The following S100Z variants were observed in gnomAD, a reference collection of about 807,000 sequenced individuals.
S100Z encodes the protein protein S100-Z.
In S100Z, 11 loss-of-function variants were observed where a neutral mutation model predicts 8.5. That is an observed-to-expected ratio of 1.30 (90% CI 0.82 to 2.15). The LOEUF is 2.15. S100Z is among the 30% of genes most tolerant of loss of function. S100Z has a pLI of 0.00. For synonymous variants in S100Z, 34 were observed against 43.8 expected, an observed-to-expected ratio of 0.78 and a Z score of 0.89; for missense variants, 126 against 117.9, an observed-to-expected ratio of 1.07 and a Z score of -0.32.
At position 76,920,748 on chromosome 5, in the gene S100Z, A is replaced by G. The variant is rs2150689789; in HGVS notation, c.*34A>G. ...CGTGAATGCTAATCAAGGGCTAAAT[A>G]AAGTGGAAAGCAGCATCCTTGAAAA... is the stretch of plus-strand genomic sequence containing the variant. On this transcript the variant is annotated 3_prime_UTR_variant, in exon 5 of 5. Coordinates refer to ENST00000317593, the MANE Select transcript of S100Z (RefSeq NM_130772.4). 1 of 152,390 alleles carries G rather than the reference A, an allele frequency of 6.6e-6. No individual in the cohort carries two copies. Among genetic ancestry groups the G allele is most frequent in the East Asian group, 1.9e-4 (1 of 5,192 alleles). 9.4% of individuals were successfully genotyped at this position (152,390 alleles called of 1,614,324 possible). A position where few individuals can be genotyped will look rare whatever the true frequency, so the allele number is the denominator to read the frequency against.
At chr5:76,897,102 T>A (rs924131752) in intron 4 of S100Z, among the ~76,000 whole-genome samples, 1 of 152,118 alleles carries the variant, frequency 6.6e-6, no homozygotes, top group African/African-American at 2.4e-5. Context: ...TCCTCCAGTT[T>A]TGTTCTTTTT....
chr5:76,940,262 C>A, the S100Z span, among the ~76,000 whole-genome samples: 3 of 151,606 alleles, frequency 2.0e-5, no homozygotes, highest in Admixed American at 6.6e-5. Context: ...GAACAAAGGA[C>A]GTGATCAGCA....
chr5:76,902,637 GTTT>G (rs544919294), intron 4 of S100Z, among the ~76,000 whole-genome samples: 1 of 142,562 alleles, frequency 7.0e-6, no homozygotes, highest in African/African-American at 2.6e-5. Flanking sequence ...GGTTTTTTTT[GTTT>G]TTTTTTTGTT....
At chr5:76,940,322 G>A in the S100Z span, among the ~76,000 whole-genome samples, 1 of 152,148 alleles carries the variant, frequency 6.6e-6, no homozygotes, top group African/African-American at 2.4e-5. Flanking sequence ...CAGCCTGGTG[G>A]AGATGGGATC....
At chr5:76,935,421 A>G in the S100Z span, among the ~76,000 whole-genome samples, 3 of 152,338 alleles carry the variant, frequency 2.0e-5, 1 homozygote, top group East Asian at 5.8e-4. Flanking sequence ...AGAGGTCTTC[A>G]CAGACAGGAA....
downstream of S100Z, among the ~76,000 whole-genome samples, chr5:76,921,992 A>G (rs1745056274): frequency 6.6e-6 from 1 of 151,072 alleles, no homozygotes; most frequent in East Asian, 1.9e-4. Context: ...CTGTCTCAAA[A>G]AAAAAAAAAA....
At chr5:76,862,438 GGT>G (rs1414514375) in intron 1 of S100Z, among the ~76,000 whole-genome samples, 3 of 152,044 alleles carry the variant, frequency 2.0e-5, no homozygotes, top group African/African-American at 7.2e-5. Context: ...TCCTTCATAG[GGT>G]GTAGCCAATT....
intron 4 of S100Z, among the ~76,000 whole-genome samples, chr5:76,899,842 T>C (rs1205413272): frequency 6.6e-6 from 1 of 152,234 alleles, no homozygotes; most frequent in Admixed American, 6.5e-5. Flanking sequence ...CAGTGAGTTT[T>C]GTACCTTCAG....
intron 4 of S100Z, among the ~76,000 whole-genome samples, chr5:76,918,079 A>G (rs1231109188): frequency 6.6e-6 from 1 of 152,224 alleles, no homozygotes; most frequent in African/African-American, 2.4e-5. Context: ...ATTTTGATTG[A>G]TAACGTCAAT....
At chr5:76,913,799 C>CGG (rs1744756440) in intron 4 of S100Z, among the ~76,000 whole-genome samples, 1 of 152,146 alleles carries the variant, frequency 6.6e-6, no homozygotes, top group Admixed American at 6.5e-5. Context: ...GGGAAGAGTG[C>CGG]TGTTTTTATA....
intron 1 of S100Z, among the ~76,000 whole-genome samples, chr5:76,862,130 CGTGTGTGTGT>C (rs3053269): frequency 2.0e-5 from 3 of 147,036 alleles, no homozygotes; most frequent in Admixed American, 6.8e-5. Flanking sequence ...AAGGAGTGTG[CGTGTGTGTGT>C]GTGTGTGTGT....
At chr5:76,907,021 TATAC>T (rs1580056895) in intron 4 of S100Z, among the ~76,000 whole-genome samples, 17 of 108,686 alleles carry the variant, frequency 1.6e-4, no homozygotes, top group African/African-American at 6.8e-4. Flanking sequence ...TATATATATA[TATAC>T]ATATATATAT....
the S100Z span, among the ~76,000 whole-genome samples, chr5:76,937,136 A>T: frequency 6.6e-6 from 1 of 152,148 alleles, no homozygotes; most frequent in African/African-American, 2.4e-5. Flanking sequence ...TCCAGATAAG[A>T]TATTGGAAAT....
chr5:76,875,286 C>T lies in S100Z; in HGVS notation c.-56-18C>T. 7.6e-7 allele frequency: 1 copy of T among 1,322,462 alleles called. No homozygotes were observed. The highest frequency in any genetic ancestry group is 1.4e-5 in the South Asian group (1 of 70,002). The allele number at this position is 1,322,462 out of a possible 1,614,324, so 81.9% of individuals were successfully genotyped here. ...AATGAAAGTGTTGGTGTTTCCTCAT[C>T]TGTTTATTCTGAACAAGTGTCTTCT... On this transcript the variant is annotated intron_variant, in intron 2 of 4. Coordinates refer to ENST00000317593, the MANE Select transcript of S100Z (RefSeq NM_130772.4).
the S100Z span, among the ~76,000 whole-genome samples, chr5:76,940,399 C>A: frequency 1.6e-5 from 2 of 124,442 alleles, no homozygotes; most frequent in Admixed American, 9.4e-5. Flanking sequence ...AATTAAGTGG[C>A]AATTTTTTTC....
chr5:76,867,864 G>A (rs1184542073), intron 1 of S100Z, among the ~76,000 whole-genome samples: 1 of 152,152 alleles, frequency 6.6e-6, no homozygotes, highest in East Asian at 1.9e-4. Flanking sequence ...TTACAGGCGT[G>A]AGCCACTGCG....
chr5:76,863,783 C>T (rs932151665), intron 1 of S100Z, among the ~76,000 whole-genome samples: 3 of 152,184 alleles, frequency 2.0e-5, no homozygotes, highest in South Asian at 2.1e-4. Flanking sequence ...TGTGATCCAC[C>T]CACCTTGGCC....
At chr5:76,883,965 G>T (rs940818667) in intron 4 of S100Z, among the ~76,000 whole-genome samples, 4 of 152,162 alleles carry the variant, frequency 2.6e-5, no homozygotes, top group South Asian at 2.1e-4. Context: ...GCAAGGAATT[G>T]CAACTCAGAA....
chr5:76,871,554 G>T (rs1037043381), intron 2 of S100Z, among the ~76,000 whole-genome samples: 2 of 131,390 alleles, frequency 1.5e-5, no homozygotes, highest in African/African-American at 5.9e-5. Context: ...ACAGAGTGTC[G>T]CTTTATCACC....
Sources: gnomAD v4.1 joint callset for allele counts (sites outside exome capture counted in the v4.1 genomes callset) on GRCh38, gnomAD v4.1.1 for gene constraint, MANE v1.5 for transcripts, NCBI Gene and HGNC (gene_info 2026-07-23, HGNC 2026-07-21) for gene names.